Variants in LAMB4 observed in about 807,000 individuals in gnomAD.
LAMB4 encodes laminin subunit beta 4.
Under a neutral mutation model 199.2 loss-of-function variants are expected in LAMB4, and 196 were observed. The ratio of observed to expected loss-of-function variants is 0.98; its 90% confidence interval spans 0.88 to 1.11. The LOEUF (loss-of-function observed/expected upper bound fraction) is 1.11, where lower values mean the gene tolerates loss of function less well. Among genes scored for constraint, LAMB4 ranks in the 50% least tolerant of loss-of-function variants. The probability of loss-of-function intolerance (pLI) is 0.00; values close to 1 mark genes in which losing one functional copy is unlikely to be tolerated. For missense variants in LAMB4, 2,080 were observed against 2,171.2 expected (o/e 0.96, Z 0.83); for synonymous variants, 744 against 770.6 (o/e 0.97, Z 0.57).
At position 108,031,680 on chromosome 7, in the gene LAMB4, G is replaced by T. The variant is rs147041620; in HGVS notation, c.4819-701C>A. Among the ~76,000 whole-genome samples the T allele has an allele frequency of 2.9e-3, 446 of 152,134 alleles. 1 individual carries two copies. Among genetic ancestry groups the T allele is most frequent in the Non-Finnish European group, 4.4e-3 (296 of 67,980 alleles). On this transcript the variant is annotated intron_variant, in intron 31 of 33. Transcript: ENST00000388781. ...GCAAGTTGATTTTCTAAAATGAAAA[G>T]TTATGAAAATTATGCTTATGTAGGT...
Position 108,066,455 on chromosome 7 carries a change from AG to A in LAMB4, c.2591del (p.Pro864LeufsTer73), listed in dbSNP as rs2036345885. Reference sequence around the variant, plus strand: ...CACAAAGTTCAGCAAACCTATTACAAGGGCAAGGGTGGCAGCTGGGAAATCC... The same window carrying A: ...CACAAAGTTCAGCAAACCTATTACAAGGCAAGGGTGGCAGCTGGGAAATCC... ...YFGFPSCHPC[P>X]CNRFAELCDP... is the part of the protein sequence containing the mutation. On this transcript the variant is annotated frameshift_variant, in exon 20 of 34. Coordinates refer to ENST00000388781, the MANE Select transcript of LAMB4 (RefSeq NM_007356.3). LOFTEE classifies it high-confidence loss of function. 1.2e-6 allele frequency: 2 copies of A among 1,614,186 alleles called. No homozygotes were observed. The highest frequency in any genetic ancestry group is 4.5e-5 in the East Asian group (2 of 44,880).
chr7:108,124,493 T>C (rs1261323425), intron 1 of LAMB4, among the ~76,000 whole-genome samples: 4 of 152,168 alleles, frequency 2.6e-5, no homozygotes, highest in Admixed American at 6.5e-5. Context: ...CACATGCATA[T>C]ATACAAATAT....
At chr7:108,060,406 G>C (rs1423534550) in intron 23 of LAMB4, among the ~76,000 whole-genome samples, 1 of 152,114 alleles carries the variant, frequency 6.6e-6, no homozygotes, top group Non-Finnish European at 1.5e-5. Context: ...TCCATGGTTG[G>C]TGGCTGCAGG....
chr7:108,113,546 T>C (rs2038304153), intron 3 of LAMB4, among the ~76,000 whole-genome samples: 1 of 152,218 alleles, frequency 6.6e-6, no homozygotes, highest in Non-Finnish European at 1.5e-5. Context: ...AAATTTTGCA[T>C]AGGGGTAGGC....
chr7:108,128,368 G>A (rs892060593), intron 1 of LAMB4, among the ~76,000 whole-genome samples: 1 of 152,164 alleles, frequency 6.6e-6, no homozygotes, highest in African/African-American at 2.4e-5. Context: ...CATTGAGTGT[G>A]TAGAGGCCAG....
chr7:108,114,254 CTA>C, intron 3 of LAMB4, among the ~76,000 whole-genome samples: 1 of 152,162 alleles, frequency 6.6e-6, no homozygotes, highest in Non-Finnish European at 1.5e-5. Flanking sequence ...GGACTGGTCT[CTA>C]TAAAAATACC....
At chr7:108,039,470 C>CTTTTTTTTTTTTT (rs61668715) in intron 29 of LAMB4, among the ~76,000 whole-genome samples, 1 of 134,370 alleles carries the variant, frequency 7.4e-6, no homozygotes. Flanking sequence ...TACTTTCTTT[C>CTTTTTTTTTTTTT]TTTTTTTTTT....
Position 108,078,220 on chromosome 7 carries a change from CA to C in LAMB4, c.1983del (p.Phe661LeufsTer18), listed in dbSNP as rs1399608444. 1.2e-6 allele frequency: 2 copies of C among 1,609,136 alleles called. No homozygotes were observed. Among genetic ancestry groups the C allele is most frequent in the Non-Finnish European group, 1.7e-6 (2 of 1,177,444 alleles). On this transcript the variant is annotated frameshift_variant, in exon 16 of 34. Transcript: ENST00000388781. LOFTEE classifies it high-confidence loss of function. ...PKTLQSKPQS[F>X]ALPAATRIML... is the part of the protein sequence containing the mutation. ...ACATACCTCGTAGCCGCTGGTAAGG[CA>C]AAAGACTGAGGCTTTGACTGTAGAG...
chr7:108,078,141 C>T (rs2150575296), intron 16 of LAMB4, 60 bp downstream of exon 16: 1 of 1,111,192 alleles, frequency 9.0e-7, no homozygotes, highest in African/African-American at 1.5e-5. Flanking sequence ...AAACAAATTA[C>T]TGATAAGTGA....
At chr7:108,066,017 A>G in intron 20 of LAMB4, 98 bp from the exon 21 acceptor site, 1 of 1,187,338 alleles carries the variant, frequency 8.4e-7, no homozygotes, top group Non-Finnish European at 1.2e-6. Context: ...CACCTCTGAA[A>G]ACTGAATATT....
intron 14 of LAMB4, among the ~76,000 whole-genome samples, chr7:108,084,267 C>G (rs1195238349): frequency 1.3e-5 from 2 of 152,162 alleles, no homozygotes; most frequent in Non-Finnish European, 2.9e-5. Flanking sequence ...TTGTAAATTT[C>G]CTCAGGAATT....
At position 108,112,457 on chromosome 7, in the gene LAMB4, A is replaced by AT. The variant is rs1293919398; in HGVS notation, c.193-512dup. ...CAGGCATGCACCACCACACCCGGCT[A>AT]TTTTTTTGTATTTTTATTAGAGACA... On this transcript the variant is annotated intron_variant, in intron 3 of 33. Transcript: ENST00000388781. Among the ~76,000 whole-genome samples the AT allele has an allele frequency of 6.6e-5, 10 of 150,616 alleles. No individual in the cohort carries two copies. The South Asian group carries it at 1.5e-3, about 23-fold the overall frequency.
At chr7:108,012,604 A>C in the LAMB4 span, among the ~76,000 whole-genome samples, 1 of 152,244 alleles carries the variant, frequency 6.6e-6, no homozygotes, top group African/African-American at 2.4e-5. Flanking sequence ...TAATGAATTT[A>C]CTGAATGACA....
intron 1 of LAMB4, among the ~76,000 whole-genome samples, chr7:108,128,026 A>G (rs751345604): frequency 4.6e-5 from 7 of 152,140 alleles, no homozygotes; most frequent in Non-Finnish European, 2.9e-5. Context: ...TTCCTTATCT[A>G]TCAGGAACAT....
At chr7:108,096,249 A>G (rs1212724877) in intron 11 of LAMB4, among the ~76,000 whole-genome samples, 2 of 152,158 alleles carry the variant, frequency 1.3e-5, no homozygotes, top group African/African-American at 2.4e-5. Context: ...AAGTGGAATT[A>G]TATAGTCTTT....
chr7:108,068,301 T>G, intron 18 of LAMB4, 142 bp from the exon 19 acceptor site: 1 of 826,494 alleles, frequency 1.2e-6, no homozygotes. Flanking sequence ...AGGAATAATA[T>G]AGAATCTGCC....
intron 12 of LAMB4, 64 bp from the exon 13 acceptor site, chr7:108,092,480 C>T (rs117803826): frequency 0.022 from 26,281 of 1,182,958 alleles, 366 homozygotes; most frequent in Non-Finnish European, 0.029. Context: ...AAGTGCAACA[C>T]TGAAATCACT....
intron 17 of LAMB4, among the ~76,000 whole-genome samples, chr7:108,072,186 G>T (rs917019145): frequency 1.3e-5 from 2 of 152,076 alleles, no homozygotes; most frequent in Non-Finnish European, 2.9e-5. Context: ...AGAAAACCCT[G>T]TTTATAGTTT....
chr7:108,130,337 G>C lies in LAMB4; in HGVS notation c.-65C>G, dbSNP rs1281600038. ...CTGGGAGTCTTTGTGGAGAGGTTCA[G>C]GCAGCAAACGGGGCATGTGAAGACA... On this transcript the variant is annotated 5_prime_UTR_variant, in exon 1 of 34. Coordinates refer to ENST00000388781, the MANE Select transcript of LAMB4 (RefSeq NM_007356.3). The C allele has an allele frequency of 6.6e-6, 1 of 152,156 alleles. No individual in the cohort carries two copies. The highest frequency in any genetic ancestry group is 1.5e-5 in the Non-Finnish European group (1 of 68,036). The allele number at this position is 152,156 out of a possible 1,614,324, so 9.4% of individuals were successfully genotyped here. A position where few individuals can be genotyped will look rare whatever the true frequency, so the allele number is the denominator to read the frequency against.
Sources: gnomAD v4.1 joint callset for allele counts (sites outside exome capture counted in the v4.1 genomes callset) on GRCh38, gnomAD v4.1.1 for gene constraint, MANE v1.5 for transcripts, NCBI Gene and HGNC (gene_info 2026-07-23, HGNC 2026-07-21) for gene names.